The following CLEC4F variants were observed in gnomAD, a reference collection of about 807,000 sequenced individuals.
CLEC4F encodes C-type (calcium dependent, carbohydrate-recognition domain) lectin, superfamily member 13.
In CLEC4F, 45 loss-of-function variants were observed where a neutral mutation model predicts 53.4. The ratio of observed to expected loss-of-function variants is 0.84; its 90% confidence interval spans 0.66 to 1.08. CLEC4F has a LOEUF of 1.08. Ranked by LOEUF, CLEC4F falls within the 50% of genes least tolerant of loss-of-function variation. The pLI, the probability that CLEC4F is intolerant of heterozygous loss-of-function variation, is 0.00. For synonymous variants in CLEC4F, 245 were observed against 257.5 expected, an observed-to-expected ratio of 0.95 and a Z score of 0.46; for missense variants, 753 against 698.2, an observed-to-expected ratio of 1.08 and a Z score of -0.88.
At chr2:70,813,518 T>A (rs925763788) in intron 4 of CLEC4F, among the ~76,000 whole-genome samples, 9 of 150,976 alleles carry the variant, frequency 6.0e-5, no homozygotes, top group Non-Finnish European at 1.0e-4. Flanking sequence ...TTCTTTTCTT[T>A]CTTTCTTTCT....
chr2:70,819,495 G>A, intron 2 of CLEC4F, 51 bp from the exon 3 acceptor site: 1 of 1,522,872 alleles, frequency 6.6e-7, no homozygotes, highest in Non-Finnish European at 9.1e-7. Flanking sequence ...CTGAGCCTGG[G>A]AGGATACGCT....
chr2:70,814,693 G>A (rs1260910349), intron 4 of CLEC4F, among the ~76,000 whole-genome samples: 3 of 152,078 alleles, frequency 2.0e-5, no homozygotes, highest in Non-Finnish European at 4.4e-5. Context: ...TTGAGTAGTT[G>A]TAACAGAGAT....
chr2:70,811,518 G>A (rs782524509), intron 5 of CLEC4F: 10 of 409,570 alleles, frequency 2.4e-5, no homozygotes, highest in Non-Finnish European at 4.3e-5. Flanking sequence ...TGTGTTTTAC[G>A]AAGTTGCATG....
intron 4 of CLEC4F, among the ~76,000 whole-genome samples, chr2:70,812,821 A>G (rs536740633): frequency 6.6e-6 from 1 of 152,238 alleles, no homozygotes; most frequent in East Asian, 1.9e-4. Context: ...CACTCCTGGG[A>G]GGCTCAGGCA....
Position 70,816,391 on chromosome 2 carries a change from T to C in CLEC4F, c.990A>G (p.Glu330=), listed in dbSNP as rs782678196. 1 of 1,613,852 alleles carries C rather than the reference T, an allele frequency of 6.2e-7. No individual in the cohort carries two copies. Among genetic ancestry groups the C allele is most frequent in the Admixed American group, 1.7e-5 (1 of 59,960 alleles). The change falls in exon 4 of 7, where the codon GAA becomes GAG. Residue 330 remains glutamate, a synonymous_variant. Coordinates refer to ENST00000272367, the MANE Select transcript of CLEC4F (RefSeq NM_173535.3). The part of the protein sequence containing the change: ...LRGHLERAGD[E]IHVLKRDLKM... The stretch of plus-strand genomic sequence containing the variant: ...TCAAATCCCTTTTTAACACGTGAAT[T>C]TCATCACCAGCTCTTTCCAAATGAC...
In CLEC4F at chr2:70,820,545, G is replaced by A. The variant is rs1553397737; in HGVS notation, c.-22C>T. 1.3e-6 allele frequency: 2 copies of A among 1,573,000 alleles called. No homozygotes were observed. The highest frequency in any genetic ancestry group is 1.7e-6 in the Non-Finnish European group (2 of 1,157,600). The stretch of plus-strand genomic sequence containing the variant: ...CCATCTCTGCTTCCTTGATCCTCCA[G>A]CACTGCTCCCAGCCACTGGCTCCTG... On this transcript the variant is annotated 5_prime_UTR_variant, in exon 1 of 7. Coordinates refer to ENST00000272367, the MANE Select transcript of CLEC4F (RefSeq NM_173535.3).
chr2:70,819,957 G>T, intron 1 of CLEC4F, 66 bp from the exon 2 acceptor site: 2 of 1,053,554 alleles, frequency 1.9e-6, no homozygotes, highest in Non-Finnish European at 1.4e-6. Context: ...TGCTGTGCAG[G>T]CTGAGACACA....
chr2:70,814,081 A>G (rs868909463), intron 4 of CLEC4F, among the ~76,000 whole-genome samples: 12 of 152,232 alleles, frequency 7.9e-5, no homozygotes, highest in African/African-American at 2.9e-4. Context: ...CATAAAGGTC[A>G]GGAACAGCCG....
intron 6 of CLEC4F, 52 bp downstream of exon 6, chr2:70,809,687 A>C: frequency 7.6e-7 from 1 of 1,321,318 alleles, no homozygotes; most frequent in Non-Finnish European, 1.1e-6. Context: ...GTGTGTAGCT[A>C]GGTCCACCAA....
At chr2:70,810,811 TCC>T (rs2104627617) in intron 5 of CLEC4F, 1 of 525,318 alleles carries the variant, frequency 1.9e-6, no homozygotes, top group South Asian at 1.6e-5. Context: ...TGCTTCACTT[TCC>T]CCAGAAATTG....
intron 1 of CLEC4F, among the ~76,000 whole-genome samples, chr2:70,820,164 G>C (rs1677158526): frequency 6.6e-6 from 1 of 152,324 alleles, no homozygotes; most frequent in Middle Eastern, 3.4e-3. Flanking sequence ...GGAGGCTTTG[G>C]TGGTGCACAG....
chr2:70,820,405 C>T (rs1444645082), intron 1 of CLEC4F, 58 bp downstream of exon 1: 1 of 1,490,228 alleles, frequency 6.7e-7, no homozygotes, highest in African/African-American at 1.4e-5. Context: ...GGCAGAGGGC[C>T]AAAGGACAGG....
chr2:70,823,913 C>T (rs1677286414), upstream of CLEC4F, among the ~76,000 whole-genome samples: 1 of 151,600 alleles, frequency 6.6e-6, no homozygotes, highest in Admixed American at 6.6e-5. Flanking sequence ...GACTGTAATC[C>T]CAGCTACTCG....
chr2:70,823,673 G>T (rs1489526085), upstream of CLEC4F, among the ~76,000 whole-genome samples: 2 of 152,072 alleles, frequency 1.3e-5, no homozygotes, highest in African/African-American at 4.8e-5. Context: ...AAAACCAGGG[G>T]GTTGCTATGT....
intron 5 of CLEC4F, chr2:70,810,915 C>G: frequency 1.9e-6 from 1 of 536,784 alleles, no homozygotes; most frequent in Non-Finnish European, 3.6e-6. Context: ...ACCAATGGCA[C>G]AAAAATGTTT....
intron 5 of CLEC4F, chr2:70,810,817 GA>G (rs1384674575): frequency 3.8e-6 from 2 of 528,462 alleles, no homozygotes; most frequent in Non-Finnish European, 7.3e-6. Context: ...ACTTTCCCCA[GA>G]AATTGAATTC....
chr2:70,819,375 T>A lies in CLEC4F; in HGVS notation c.248A>T (p.His83Leu). Reference sequence around the variant, plus strand: ...CTCACTGTTGGGTTCAAAAGGTAAATGCCCAGTAATGTTGTCTCCCAGAAT... The same window carrying A: ...CTCACTGTTGGGTTCAAAAGGTAAAAGCCCAGTAATGTTGTCTCCCAGAAT... ...AVILGDNITG[H>L]LPFEPNNHHH... is the part of the protein sequence containing the mutation. The change falls in exon 3 of 7, where the codon CAT becomes CTT. Residue 83 changes from histidine (H) to leucine (L), a missense_variant. Physicochemically the swap from His to Leu is moderately conservative, Grantham distance 99. Coordinates refer to ENST00000272367, the MANE Select transcript of CLEC4F (RefSeq NM_173535.3). The A allele has an allele frequency of 6.2e-7, 1 of 1,614,030 alleles. No individual in the cohort carries two copies. The highest frequency in any genetic ancestry group is 8.5e-7 in the Non-Finnish European group (1 of 1,179,990).
intron 5 of CLEC4F, among the ~76,000 whole-genome samples, chr2:70,810,618 C>CAAAAAAAAAAAAAAAAAAAA (rs58138583): frequency 2.0e-5 from 1 of 48,828 alleles, no homozygotes; most frequent in Admixed American, 2.6e-4. Flanking sequence ...AACTCTGTCG[C>CAAAAAAAAAAAAAAAAAAAA]AAAAAAAAAA....
chr2:70,820,749 C>T, upstream of CLEC4F: 1 of 510,092 alleles, frequency 2.0e-6, no homozygotes, highest in Non-Finnish European at 3.5e-6. Flanking sequence ...TCTTCCTCTT[C>T]CCATTAGCAC....
Sources: gnomAD v4.1 joint callset for allele counts (sites outside exome capture counted in the v4.1 genomes callset) on GRCh38, gnomAD v4.1.1 for gene constraint, MANE v1.5 for transcripts, NCBI Gene and HGNC (gene_info 2026-07-23, HGNC 2026-07-21) for gene names.